Variants in AGBL4 observed in about 807,000 individuals in gnomAD.
AGBL4 encodes the protein AGBL carboxypeptidase 4.
Under a neutral mutation model 66.4 loss-of-function variants are expected in AGBL4, and 58 were observed. The ratio of observed to expected loss-of-function variants is 0.87; its 90% CI spans 0.71 to 1.09. The LOEUF (loss-of-function observed/expected upper bound fraction) is 1.09. Ranked by LOEUF, AGBL4 falls within the 50% of genes least tolerant of loss-of-function variation. The probability of loss-of-function intolerance (pLI) is 0.00; values close to 1 mark genes in which losing one functional copy is unlikely to be tolerated. For synonymous variants in AGBL4, 234 were observed against 222.9 expected, an observed-to-expected ratio of 1.05 and a Z score of -0.44; for missense variants, 579 against 631.0, an observed-to-expected ratio of 0.92 and a Z score of 0.88.
At chr1:49,655,604 C>T (rs1428266966) in intron 3 of AGBL4, among the ~76,000 whole-genome samples, 1 of 152,064 alleles carries the variant, frequency 6.6e-6, no homozygotes, top group Non-Finnish European at 1.5e-5. Context: ...GAAAGCAGGA[C>T]AGATCTAAAA....
chr1:48,713,223 G>A (rs1278002468), intron 6 of AGBL4, among the ~76,000 whole-genome samples: 1 of 152,182 alleles, frequency 6.6e-6, no homozygotes, highest in Non-Finnish European at 1.5e-5. Flanking sequence ...ACCCAGAGAA[G>A]GCACACAGTG....
intron 3 of AGBL4, among the ~76,000 whole-genome samples, chr1:49,591,480 ATTCATTCTCTATCG>A (rs1366361201): frequency 9.9e-5 from 15 of 152,110 alleles, no homozygotes; most frequent in African/African-American, 3.6e-4. Flanking sequence ...AAGGAATTGA[ATTCATTCTCTATCG>A]TTAAAATGAC....
chr1:49,732,679 A>G (rs1649546434), intron 2 of AGBL4, among the ~76,000 whole-genome samples: 2 of 152,160 alleles, frequency 1.3e-5, no homozygotes, highest in South Asian at 4.1e-4. Flanking sequence ...AGGTGACAGA[A>G]GAAAAATCAG....
chr1:49,024,805 A>G (rs922408257), intron 5 of AGBL4, among the ~76,000 whole-genome samples: 7 of 152,118 alleles, frequency 4.6e-5, no homozygotes, highest in Admixed American at 3.9e-4. Context: ...CTGTTATCCA[A>G]TATCTACTAG....
At chr1:48,635,047 C>A (rs1437599337) in intron 8 of AGBL4, among the ~76,000 whole-genome samples, 3 of 152,204 alleles carry the variant, frequency 2.0e-5, no homozygotes, top group Non-Finnish European at 4.4e-5. Flanking sequence ...CACCTTTTTA[C>A]CACTTCCTCT....
chr1:48,685,925 C>T (rs754288259), intron 6 of AGBL4, among the ~76,000 whole-genome samples: 1 of 152,220 alleles, frequency 6.6e-6, no homozygotes, highest in Non-Finnish European at 1.5e-5. Flanking sequence ...CTACTAAGCT[C>T]TGTCATGCAT....
chr1:49,093,148 G>C (rs1645030957), intron 4 of AGBL4, among the ~76,000 whole-genome samples: 1 of 152,044 alleles, frequency 6.6e-6, no homozygotes, highest in Non-Finnish European at 1.5e-5. Context: ...GTCCTGTAGA[G>C]AGCATACCAT....
At chr1:49,051,405 A>G (rs1034722784) in intron 4 of AGBL4, among the ~76,000 whole-genome samples, 39 of 152,164 alleles carry the variant, frequency 2.6e-4, no homozygotes, top group African/African-American at 8.9e-4. Flanking sequence ...GATTTATCCA[A>G]CAACGGCAGT....
intron 3 of AGBL4, among the ~76,000 whole-genome samples, chr1:49,301,825 C>T (rs1644750060): frequency 6.6e-6 from 1 of 152,086 alleles, no homozygotes; most frequent in African/African-American, 2.4e-5. Context: ...CATGTGAAGA[C>T]ATTTTCAGCA....
At chr1:48,784,577 G>C (rs1273266952) in intron 6 of AGBL4, among the ~76,000 whole-genome samples, 1 of 152,176 alleles carries the variant, frequency 6.6e-6, no homozygotes, top group Admixed American at 6.5e-5. Context: ...TGACTTTGTT[G>C]AGTATTTTTT....
rs375058805 is a variant in AGBL4, at chr1:48,715,660, T to G, written c.635-52419A>C. On this transcript the variant is annotated intron_variant, in intron 6 of 13. Coordinates refer to ENST00000371839, the MANE Select transcript of AGBL4 (RefSeq NM_032785.4). ...AGGCACTCCTCTACTCAAGAGTAATTTAATAACCACAAATGCCTTTAACAC... is the reference window on the plus strand; with the variant it reads ...AGGCACTCCTCTACTCAAGAGTAATGTAATAACCACAAATGCCTTTAACAC... Among the ~76,000 whole-genome samples the G allele has an allele frequency of 1.1e-4, 16 of 151,048 alleles. No homozygotes were observed. In the East Asian group the frequency reaches 3.2e-3, roughly 30 times the overall value.
intron 1 of AGBL4, among the ~76,000 whole-genome samples, chr1:50,007,615 T>C (rs148547909): frequency 6.6e-6 from 1 of 151,784 alleles, no homozygotes; most frequent in Non-Finnish European, 1.5e-5. Flanking sequence ...CAAAACAAAA[T>C]GAAAAGCTGG....
chr1:49,815,248 C>T (rs997622518), intron 2 of AGBL4, among the ~76,000 whole-genome samples: 2 of 152,090 alleles, frequency 1.3e-5, no homozygotes, highest in Non-Finnish European at 2.9e-5. Context: ...TTTTTAGATC[C>T]CACAAATAAC....
rs114140060 is a variant in AGBL4, at chr1:48,987,730, T to C, written c.594+57854A>G. Among the ~76,000 whole-genome samples the C allele has an allele frequency of 6.9e-3, 1,044 of 152,212 alleles. 14 individuals are homozygous for C. The highest frequency in any genetic ancestry group is 0.024 in the African/African-American group (1,005 of 41,558). ...ATTTTTCTCAAGTACATGCAGAACA[T>C]TACTAAGACAGATCATATTCTGGGT... On this transcript the variant is annotated intron_variant, in intron 5 of 13. Coordinates refer to ENST00000371839, the MANE Select transcript of AGBL4 (RefSeq NM_032785.4).
Position 49,812,087 on chromosome 1 carries a change from T to C in AGBL4, c.157+39309A>G, listed in dbSNP as rs192522329. 3.5e-3 allele frequency among the ~76,000 whole-genome samples: 534 copies of C among 152,274 alleles called. 1 individual carries two copies. The highest frequency in any genetic ancestry group is 6.0e-3 in the Non-Finnish European group (408 of 68,012). On this transcript the variant is annotated intron_variant, in intron 2 of 13. Coordinates refer to ENST00000371839, the MANE Select transcript of AGBL4 (RefSeq NM_032785.4). ...AGCAATCATTGCACATAATGAATGA[T>C]CAATGAGTATCTGTCAAGTGAATTA...
At chr1:48,755,738 C>T (rs1317556829) in intron 6 of AGBL4, among the ~76,000 whole-genome samples, 1 of 152,156 alleles carries the variant, frequency 6.6e-6, no homozygotes, top group African/African-American at 2.4e-5. Flanking sequence ...TAATCTCTCT[C>T]CCAGAACTGG....
chr1:49,840,836 A>G (rs1184421776), intron 2 of AGBL4, among the ~76,000 whole-genome samples: 1 of 152,228 alleles, frequency 6.6e-6, no homozygotes, highest in African/African-American at 2.4e-5. Flanking sequence ...CAGACTTGTT[A>G]TCAAACAGAC....
chr1:48,579,956 G>A (rs1644714813), intron 11 of AGBL4, among the ~76,000 whole-genome samples: 1 of 150,346 alleles, frequency 6.7e-6, no homozygotes, highest in East Asian at 2.0e-4. Flanking sequence ...AATCCTACCT[G>A]TTAGATATTG....
chr1:49,810,905 G>T (rs910815407), intron 2 of AGBL4, among the ~76,000 whole-genome samples: 19 of 152,102 alleles, frequency 1.2e-4, no homozygotes, highest in African/African-American at 4.6e-4. Context: ...GGAAATTACT[G>T]CAATAGTCAT....
Sources: gnomAD v4.1 joint callset for allele counts (sites outside exome capture counted in the v4.1 genomes callset) on GRCh38, gnomAD v4.1.1 for gene constraint, MANE v1.5 for transcripts, NCBI Gene and HGNC (gene_info 2026-07-23, HGNC 2026-07-21) for gene names.